The following BCL2L1 variants were observed in gnomAD, a reference collection of about 807,000 sequenced individuals.
BCL2L1 encodes the protein bcl-2-like protein 1.
Under a neutral mutation model 18.7 loss-of-function variants are expected in BCL2L1, and 1 was observed. The ratio of observed to expected loss-of-function variants is 0.05; its 90% CI spans 0.02 to 0.25. The LOEUF (loss-of-function observed/expected upper bound fraction) is 0.25, where lower values mean the gene tolerates loss of function less well. Ranked by LOEUF, BCL2L1 falls within the 10% of genes least tolerant of loss-of-function variation. The pLI, the probability that BCL2L1 is intolerant of heterozygous loss-of-function variation, is 1.00. For synonymous variants in BCL2L1, 103 were observed against 122.7 expected (o/e 0.84, Z 1.06); for missense variants, 207 against 304.9 (o/e 0.68, Z 2.39).
intron 2 of BCL2L1, chr20:31,720,652 T>A (rs1414519985): frequency 8.1e-6 from 8 of 982,444 alleles, no homozygotes; most frequent in Non-Finnish European, 9.7e-6. Context: ...AGATTTACAA[T>A]ACACTGTAAG....
At chr20:31,685,219 G>C (rs1399597197) in intron 2 of BCL2L1, among the ~76,000 whole-genome samples, 1 of 151,856 alleles carries the variant, frequency 6.6e-6, no homozygotes, top group Admixed American at 6.6e-5. Flanking sequence ...TGGCTAACAC[G>C]GTGAAACCCC....
chr20:31,723,625 G>A (rs1352245797), upstream of BCL2L1: 6 of 985,528 alleles, frequency 6.1e-6, no homozygotes, highest in East Asian at 1.1e-4. Flanking sequence ...CGCCCCCGGC[G>A]GTCCGCCCCA....
At chr20:31,687,334 C>G (rs372633937) in intron 2 of BCL2L1, among the ~76,000 whole-genome samples, 10 of 151,824 alleles carry the variant, frequency 6.6e-5, no homozygotes, top group African/African-American at 2.2e-4. Context: ...TTGAGGCTCT[C>G]TATAGCAAGT....
chr20:31,717,907 T>C (rs1011549987), intron 2 of BCL2L1, among the ~76,000 whole-genome samples: 5 of 152,182 alleles, frequency 3.3e-5, no homozygotes, highest in African/African-American at 1.2e-4. Flanking sequence ...CACATTCCCA[T>C]TGGAAAGCAC....
chr20:31,721,988 G>A lies in BCL2L1; in HGVS notation c.231C>T (p.Ala77=), dbSNP rs2061641821. The change falls in exon 2 of 3, where the codon GCC becomes GCT. Residue 77 remains alanine, a synonymous_variant. Coordinates refer to ENST00000307677, the MANE Select transcript of BCL2L1 (RefSeq NM_138578.3). ...GATGHSSSLD[A]REVIPMAAVK... is the part of the protein sequence containing the mutation. ...CTGCTGCCATGGGGATCACCTCCCG[G>A]GCATCCAAACTGCTGCTGTGGCCAG... 3.1e-6 allele frequency: 5 copies of A among 1,614,072 alleles called. No individual in the cohort carries two copies. Among genetic ancestry groups the A allele is most frequent in the Non-Finnish European group, 4.2e-6 (5 of 1,180,000 alleles).
chr20:31,681,165 G>A (rs1323455789), intron 2 of BCL2L1, among the ~76,000 whole-genome samples: 2 of 152,214 alleles, frequency 1.3e-5, no homozygotes, highest in African/African-American at 2.4e-5. Context: ...GGCTTGTCCT[G>A]GGAAAGCACT....
intron 2 of BCL2L1, among the ~76,000 whole-genome samples, chr20:31,678,758 C>G (rs2060805361): frequency 6.6e-6 from 1 of 152,298 alleles, no homozygotes; most frequent in Non-Finnish European, 1.5e-5. Flanking sequence ...CCTCTTCACC[C>G]CAGCACCGCC....
chr20:31,721,819 C>A lies in BCL2L1; in HGVS notation c.400G>T (p.Gly134Trp). 6.2e-7 allele frequency: 1 copy of A among 1,614,208 alleles called. No homozygotes were observed. The change falls in exon 2 of 3, where the codon GGG becomes TGG. Residue 134 changes from glycine to tryptophan, a missense_variant. Coordinates refer to ENST00000307677, the MANE Select transcript of BCL2L1 (RefSeq NM_138578.3). Reference protein sequence around the residue: ...EQVVNELFRDGVNWGRIVAFF... With the variant: ...EQVVNELFRDWVNWGRIVAFF... ...GCCACAATGCGACCCCAGTTTACCC[C>A]ATCCCGGAAGAGTTCATTCACTACC...
intron 2 of BCL2L1, among the ~76,000 whole-genome samples, chr20:31,685,854 C>T (rs1169366834): frequency 6.6e-6 from 1 of 152,170 alleles, no homozygotes; most frequent in Non-Finnish European, 1.5e-5. Flanking sequence ...CAATGGCAAC[C>T]CACTTCCCCT....
intron 2 of BCL2L1, among the ~76,000 whole-genome samples, chr20:31,708,640 A>G (rs1043069657): frequency 2.6e-5 from 4 of 152,096 alleles, no homozygotes; most frequent in African/African-American, 9.7e-5. Context: ...CCAGCTGTCA[A>G]CGGCTCCCAA....
At chr20:31,672,058 TA>T (rs199695577) in intron 2 of BCL2L1, among the ~76,000 whole-genome samples, 32 of 127,218 alleles carry the variant, frequency 2.5e-4, no homozygotes, top group East Asian at 2.2e-4. Flanking sequence ...GGGTGGATGA[TA>T]AAAAAAAAAG....
intron 2 of BCL2L1, among the ~76,000 whole-genome samples, chr20:31,668,603 CT>C (rs1234488543): frequency 0.017 from 2,151 of 127,004 alleles, 12 homozygotes; most frequent in Admixed American, 0.028. Context: ...CATATCTGGC[CT>C]TTTTTTTTTT....
chr20:31,665,649 C>T lies in BCL2L1; in HGVS notation c.*300G>A, dbSNP rs1311981294. 4.6e-6 allele frequency: 2 copies of T among 430,506 alleles called. No homozygotes were observed. The highest frequency in any genetic ancestry group is 2.0e-5 in the African/African-American group (1 of 49,686). The allele number at this position is 430,506 out of a possible 1,614,324, so 26.7% of individuals were successfully genotyped here. A position where few individuals can be genotyped will look rare whatever the true frequency, so the allele number is the denominator to read the frequency against. Reference sequence around the variant, plus strand: ...GCTAAGGGGTAAGGGTTGCACCAATCAGGTAGGGCCCTCCTGCCCCCAGCC... The same window carrying T: ...GCTAAGGGGTAAGGGTTGCACCAATTAGGTAGGGCCCTCCTGCCCCCAGCC... On this transcript the variant is annotated 3_prime_UTR_variant, in exon 3 of 3. Transcript: ENST00000307677.
chr20:31,717,206 G>A (rs2061550490), intron 2 of BCL2L1, among the ~76,000 whole-genome samples: 1 of 152,194 alleles, frequency 6.6e-6, no homozygotes, highest in East Asian at 1.9e-4. Flanking sequence ...CATGATGGAA[G>A]GCTGAGGGCA....
intron 2 of BCL2L1, among the ~76,000 whole-genome samples, chr20:31,705,787 C>T (rs2061361242): frequency 6.6e-6 from 1 of 152,142 alleles, no homozygotes; most frequent in East Asian, 1.9e-4. Context: ...TAAATCAGAC[C>T]CAGAAAGTTC....
At chr20:31,689,712 A>G (rs2122609856) in intron 2 of BCL2L1, among the ~76,000 whole-genome samples, 1 of 152,270 alleles carries the variant, frequency 6.6e-6, no homozygotes, top group Non-Finnish European at 1.5e-5. Context: ...AATGGCTAAC[A>G]AAACGTTAAG....
intron 2 of BCL2L1, among the ~76,000 whole-genome samples, chr20:31,716,998 T>G (rs1221827902): frequency 6.6e-6 from 1 of 151,974 alleles, no homozygotes; most frequent in African/African-American, 2.4e-5. Flanking sequence ...AGGAGTAGAG[T>G]GACTCCTTCA....
In BCL2L1 at chr20:31,722,131, C is replaced by T; in HGVS notation, c.88G>A (p.Val30Met). 6.5e-7 allele frequency: 1 copy of T among 1,529,174 alleles called. No homozygotes were observed. 94.7% of individuals were successfully genotyped at this position (1,529,174 alleles called of 1,614,324 possible). The change falls in exon 2 of 3, where the codon GTG becomes ATG. Residue 30 changes from valine to methionine, a missense_variant. By Grantham distance (21) the Val-to-Met change is conservative. Transcript: ENST00000307677. ...KGYSWSQFSDVEENRTEAPEG... is the reference protein window; with the variant it reads ...KGYSWSQFSDMEENRTEAPEG... ...GGGGCCTCAGTCCTGTTCTCTTCCA[C>T]ATCACTAAACTGACTCCAGCTGTAT...
chr20:31,670,773 A>C (rs2060655496), intron 2 of BCL2L1, among the ~76,000 whole-genome samples: 1 of 152,164 alleles, frequency 6.6e-6, no homozygotes, highest in Admixed American at 6.5e-5. Flanking sequence ...GTGCTGTTCC[A>C]GGGCGGGTGC....
Sources: gnomAD v4.1 joint callset for allele counts (sites outside exome capture counted in the v4.1 genomes callset) on GRCh38, gnomAD v4.1.1 for gene constraint, MANE v1.5 for transcripts, NCBI Gene and HGNC (gene_info 2026-07-23, HGNC 2026-07-21) for gene names.